The following NRXN3 variants were observed in gnomAD, a reference collection of about 807,000 sequenced individuals.
NRXN3 encodes neurexin 3, also known as neurexin III.
NRXN3 carries 32 observed loss-of-function variants against 137.6 expected under a neutral mutation model. The ratio of observed to expected loss-of-function variants is 0.23; its 90% CI spans 0.18 to 0.31. The LOEUF is 0.31. NRXN3 is among the 10% of genes least tolerant of loss of function. The pLI, the probability that NRXN3 is intolerant of heterozygous loss-of-function variation, is 1.00. For missense variants in NRXN3, 1,574 were observed against 2,062.5 expected, an observed-to-expected ratio of 0.76 and a Z score of 4.59; for synonymous variants, 798 against 784.5, an observed-to-expected ratio of 1.02 and a Z score of -0.29.
intron 15 of NRXN3, among the ~76,000 whole-genome samples, chr14:79,192,088 C>T (rs916383364): frequency 3.3e-5 from 5 of 152,092 alleles, no homozygotes; most frequent in Non-Finnish European, 7.4e-5. Context: ...GGGGTTTCAC[C>T]ATATTGGCCA....
chr14:78,584,915 G>T (rs2097045916), intron 4 of NRXN3, among the ~76,000 whole-genome samples: 1 of 152,124 alleles, frequency 6.6e-6, no homozygotes, highest in Middle Eastern at 3.4e-3. Context: ...ACTTGTTTTT[G>T]GTTTGTCTAT....
At chr14:78,277,517 T>C (rs1054836379) in intron 2 of NRXN3, among the ~76,000 whole-genome samples, 9 of 152,310 alleles carry the variant, frequency 5.9e-5, no homozygotes, top group Admixed American at 2.0e-4. Context: ...TATAAGTCTC[T>C]CTACTTTTTC....
At chr14:79,740,303 G>A (rs1218213597) in intron 19 of NRXN3, among the ~76,000 whole-genome samples, 1 of 151,976 alleles carries the variant, frequency 6.6e-6, no homozygotes, top group African/African-American at 2.4e-5. Flanking sequence ...CTGCTCCATG[G>A]TCCAATCTCC....
intron 6 of NRXN3, among the ~76,000 whole-genome samples, chr14:78,659,662 A>T (rs991164198): frequency 2.6e-5 from 4 of 151,614 alleles, no homozygotes; most frequent in African/African-American, 9.7e-5. Context: ...TCTGGGCAAC[A>T]GAGCGAGACT....
At chr14:78,771,514 A>T (rs1449967720) in intron 8 of NRXN3, among the ~76,000 whole-genome samples, 1 of 152,230 alleles carries the variant, frequency 6.6e-6, no homozygotes, top group Non-Finnish European at 1.5e-5. Context: ...GAGAAAGAAG[A>T]TCTCCTCCAA....
chr14:78,805,748 T>C (rs895909614), intron 9 of NRXN3, among the ~76,000 whole-genome samples: 15 of 151,870 alleles, frequency 9.9e-5, no homozygotes, highest in African/African-American at 3.6e-4. Flanking sequence ...CCTGAGGGAG[T>C]GTACACAGTG....
At chr14:78,495,872 A>G (rs1029611450) in intron 4 of NRXN3, among the ~76,000 whole-genome samples, 7 of 152,234 alleles carry the variant, frequency 4.6e-5, no homozygotes, top group Non-Finnish European at 8.8e-5. Context: ...GAAATTTGCT[A>G]AAATGACAAA....
At chr14:78,249,827 G>A (rs996132441) in intron 2 of NRXN3, among the ~76,000 whole-genome samples, 3 of 152,094 alleles carry the variant, frequency 2.0e-5, no homozygotes, top group Non-Finnish European at 4.4e-5. Flanking sequence ...GAGAAATTGG[G>A]AACTTGAACC....
At position 79,489,608 on chromosome 14, in the gene NRXN3, T is replaced by G. The variant is rs111701335; in HGVS notation, c.3444+22206T>G. Among the ~76,000 whole-genome samples the G allele has an allele frequency of 3.6e-3, 544 of 152,324 alleles. 3 individuals carry two copies. Among genetic ancestry groups the G allele is most frequent in the African/African-American group, 0.012 (516 of 41,570 alleles). On this transcript the variant is annotated intron_variant, in intron 16 of 20. Transcript: ENST00000335750. The stretch of plus-strand genomic sequence containing the variant: ...AATCTTGTTTATGTAAAGCCCTTCT[T>G]GGATTTCCTCTTTATTATATTTTAC...
chr14:78,751,816 G>A (rs2098643867), intron 8 of NRXN3, among the ~76,000 whole-genome samples: 1 of 152,152 alleles, frequency 6.6e-6, no homozygotes, highest in African/African-American at 2.4e-5. Flanking sequence ...CTGGGAGCTT[G>A]TTAGAAATGC....
chr14:78,604,817 C>T (rs1285993468), intron 4 of NRXN3, among the ~76,000 whole-genome samples: 1 of 152,028 alleles, frequency 6.6e-6, no homozygotes, highest in Admixed American at 6.5e-5. Context: ...CATAAGAGCC[C>T]CCTTAGTAGT....
chr14:78,704,998 A>G (rs1490662515), intron 6 of NRXN3, among the ~76,000 whole-genome samples: 1 of 152,130 alleles, frequency 6.6e-6, no homozygotes, highest in Admixed American at 6.5e-5. Context: ...CAGCTGTTTT[A>G]CTGTCTGGTC....
At chr14:79,305,117 T>G (rs984371081) in intron 15 of NRXN3, among the ~76,000 whole-genome samples, 3 of 152,066 alleles carry the variant, frequency 2.0e-5, no homozygotes, top group African/African-American at 7.2e-5. Context: ...TGTCATGTTC[T>G]TCATCTGTAA....
At chr14:78,668,518 G>A (rs1303648812) in intron 6 of NRXN3, among the ~76,000 whole-genome samples, 1 of 152,170 alleles carries the variant, frequency 6.6e-6, no homozygotes, top group African/African-American at 2.4e-5. Flanking sequence ...GGAGTGGTTG[G>A]AGGGGAGTAA....
chr14:79,172,825 A>G (rs527549932), intron 15 of NRXN3, among the ~76,000 whole-genome samples: 1 of 152,318 alleles, frequency 6.6e-6, no homozygotes, highest in East Asian at 1.9e-4. Context: ...ATTCTAATAT[A>G]AAACCATTGT....
chr14:78,772,587 C>A (rs1174069645), intron 8 of NRXN3, among the ~76,000 whole-genome samples: 3 of 152,110 alleles, frequency 2.0e-5, no homozygotes, highest in Non-Finnish European at 4.4e-5. Flanking sequence ...TAAGAAATAA[C>A]AAATAACAGA....
chr14:78,439,047 G>T (rs1432409479), intron 4 of NRXN3, among the ~76,000 whole-genome samples: 1 of 152,096 alleles, frequency 6.6e-6, no homozygotes, highest in South Asian at 2.1e-4. Context: ...GGAATGTGAA[G>T]GTCACTTGCT....
intron 20 of NRXN3, among the ~76,000 whole-genome samples, chr14:79,812,716 A>G (rs1049731087): frequency 1.3e-5 from 2 of 152,138 alleles, no homozygotes; most frequent in African/African-American, 4.8e-5. Flanking sequence ...TCTTTTGGGG[A>G]CTTCACATAT....
intron 19 of NRXN3, among the ~76,000 whole-genome samples, chr14:79,771,455 G>A (rs969765491): frequency 1.3e-5 from 2 of 152,080 alleles, no homozygotes; most frequent in Admixed American, 6.6e-5. Context: ...TCCCTGGGAT[G>A]CAAGGCTGGT....
Sources: gnomAD v4.1 joint callset for allele counts (sites outside exome capture counted in the v4.1 genomes callset) on GRCh38, gnomAD v4.1.1 for gene constraint, MANE v1.5 for transcripts, NCBI Gene and HGNC (gene_info 2026-07-23, HGNC 2026-07-21) for gene names.